The following JAKMIP3 variants were observed in gnomAD, a reference collection of about 807,000 sequenced individuals.
JAKMIP3 encodes the protein Janus kinase and microtubule interacting protein 3, also known as janus kinase and microtubule-interacting protein 3.
In JAKMIP3, 58 loss-of-function variants were observed where a neutral mutation model predicts 118.5. The observed-to-expected ratio is 0.49, with a 90% CI of 0.40 to 0.61. The LOEUF (loss-of-function observed/expected upper bound fraction) is 0.61, where lower values mean the gene tolerates loss of function less well. JAKMIP3 is among the 20% of genes least tolerant of loss of function. JAKMIP3 has a pLI of 0.00. For synonymous variants in JAKMIP3, 486 were observed against 451.2 expected (o/e 1.08, Z -0.98); for missense variants, 950 against 1,109.0 (o/e 0.86, Z 2.04).
At chr10:132,150,369 G>T (rs1047958242) in intron 16 of JAKMIP3, among the ~76,000 whole-genome samples, 2 of 152,290 alleles carry the variant, frequency 1.3e-5, no homozygotes, top group East Asian at 1.9e-4. Context: ...ACCCTTAGGG[G>T]TTCCACTTCC....
intron 9 of JAKMIP3, among the ~76,000 whole-genome samples, chr10:132,139,076 A>ATGTGTG (rs1292750829): frequency 8.4e-6 from 1 of 118,916 alleles, no homozygotes; most frequent in Non-Finnish European, 1.9e-5. Context: ...GTGTATGTGT[A>ATGTGTG]TGTGTGTGTG....
At chr10:132,072,707 T>C (rs1377725325) in intron 1 of JAKMIP3, among the ~76,000 whole-genome samples, 2 of 152,268 alleles carry the variant, frequency 1.3e-5, no homozygotes, top group African/African-American at 4.8e-5. Flanking sequence ...GTATTTTTTA[T>C]GATCCTATTT....
At position 132,043,809 on chromosome 10, in the gene JAKMIP3, C is replaced by T. The variant is rs942334109; in HGVS notation, c.-138+7071C>T. On this transcript the variant is annotated intron_variant, in intron 1 of 23. Transcript: ENST00000657785. ...TCTCTGCCCCGCCCTGGGCTTCAGG[C>T]GTCGGTGTTAATGATCTCCTGGGTT... Among the ~76,000 whole-genome samples, 7 of 152,128 alleles carry T rather than the reference C, an allele frequency of 4.6e-5. No individual in the cohort carries two copies. The East Asian group carries it at 5.8e-4, about 13-fold the overall frequency.
chr10:132,180,614 T>C (rs111296353), intron 23 of JAKMIP3, among the ~76,000 whole-genome samples: 434 of 30,974 alleles, frequency 0.014, 53 homozygotes, highest in East Asian at 0.027. Flanking sequence ...CGTGTGTGTG[T>C]GCGTGTGTGT....
At chr10:132,059,212 C>T (rs1248538731) in intron 1 of JAKMIP3, among the ~76,000 whole-genome samples, 1 of 152,262 alleles carries the variant, frequency 6.6e-6, no homozygotes, top group Non-Finnish European at 1.5e-5. Context: ...TTCCTTTGGA[C>T]AGCCTCTGGG....
intron 21 of JAKMIP3, 42 bp downstream of exon 21, chr10:132,164,777 G>C (rs552435502): frequency 2.1e-6 from 3 of 1,401,696 alleles, no homozygotes; most frequent in Admixed American, 3.4e-5. Flanking sequence ...TTAAGATCAA[G>C]GGAGAGGAAC....
intron 1 of JAKMIP3, among the ~76,000 whole-genome samples, chr10:132,080,156 C>T (rs1326519098): frequency 1.3e-5 from 2 of 152,210 alleles, no homozygotes; most frequent in Non-Finnish European, 2.9e-5. Context: ...CCAGCCTGGG[C>T]AACAGTGTGA....
At chr10:132,166,296 A>T (rs1263279479) in intron 21 of JAKMIP3, among the ~76,000 whole-genome samples, 1 of 152,190 alleles carries the variant, frequency 6.6e-6, no homozygotes. Context: ...ACTGCACTCC[A>T]GACTGGGTGA....
chr10:132,105,071 T>C, intron 2 of JAKMIP3, 128 bp downstream of exon 2: 1 of 1,115,534 alleles, frequency 9.0e-7, no homozygotes, highest in Non-Finnish European at 1.3e-6. Context: ...TAAAGGCTGC[T>C]TGGGACAGAC....
chr10:132,141,838 A>C, intron 10 of JAKMIP3, 82 bp from the exon 11 acceptor site: 2 of 1,475,642 alleles, frequency 1.4e-6, no homozygotes, highest in Non-Finnish European at 1.8e-6. Flanking sequence ...GGAGAAGGGA[A>C]GCCCCGGGGC....
intron 2 of JAKMIP3, among the ~76,000 whole-genome samples, chr10:132,105,852 T>C (rs75392617): frequency 0.02 from 3,031 of 152,064 alleles, 100 homozygotes; most frequent in African/African-American, 0.069. Flanking sequence ...TCTCCCTCCC[T>C]GTTTCTTGCC....
intron 16 of JAKMIP3, among the ~76,000 whole-genome samples, chr10:132,152,723 C>T (rs1056455619): frequency 6.6e-6 from 1 of 152,182 alleles, no homozygotes; most frequent in Non-Finnish European, 1.5e-5. Context: ...TGGTGATTAC[C>T]AGCAGAGGGA....
At chr10:132,119,615 G>C (rs75221861) in intron 3 of JAKMIP3, among the ~76,000 whole-genome samples, 1 of 152,136 alleles carries the variant, frequency 6.6e-6, no homozygotes, top group Non-Finnish European at 1.5e-5. Flanking sequence ...TTATAAAAAG[G>C]CTTCATTTCT....
At chr10:132,131,740 C>T (rs368328047) in intron 3 of JAKMIP3, among the ~76,000 whole-genome samples, 8 of 152,006 alleles carry the variant, frequency 5.3e-5, no homozygotes, top group African/African-American at 1.9e-4. Flanking sequence ...CAGCTTTGAA[C>T]GTCCCGTGTC....
rs548527724 is a variant in JAKMIP3 at position 132,091,974 on chromosome 10, C to CA, written c.-137-12694dup. Among the ~76,000 whole-genome samples the CA allele has an allele frequency of 2.1e-3, 318 of 152,244 alleles. 1 individual carries two copies. The highest frequency in any genetic ancestry group is 3.5e-3 in the South Asian group (17 of 4,816). On this transcript the variant is annotated intron_variant, in intron 1 of 23. Coordinates refer to ENST00000684848, the MANE Select transcript of JAKMIP3 (RefSeq NM_001323087.2). ...TCTTGTAGGGCAGGCCTGGTGGTGA[C>CA]AAAATCTCTCAGCATTTGCTTGTCT... is the stretch of plus-strand genomic sequence containing the variant.
intron 1 of JAKMIP3, among the ~76,000 whole-genome samples, chr10:132,099,470 A>C (rs1025015803): frequency 5.3e-5 from 8 of 152,170 alleles, no homozygotes; most frequent in African/African-American, 1.9e-4. Flanking sequence ...GACTTCCCTA[A>C]GGAAAGTATG....
intron 1 of JAKMIP3, among the ~76,000 whole-genome samples, chr10:132,070,972 AG>A (rs2039744733): frequency 6.6e-6 from 1 of 152,218 alleles, no homozygotes; most frequent in Non-Finnish European, 1.5e-5. Flanking sequence ...AGCATAAACT[AG>A]GATTAGATTA....
chr10:132,181,143 T>C (rs1045235649), intron 23 of JAKMIP3: 1 of 152,232 alleles, frequency 6.6e-6, no homozygotes, highest in African/African-American at 2.4e-5. Flanking sequence ...GTTCTGGAAA[T>C]AGGGCAGTGA....
chr10:132,078,619 C>CGGG (rs10568086), intron 1 of JAKMIP3, among the ~76,000 whole-genome samples: 10 of 133,996 alleles, frequency 7.5e-5, no homozygotes, highest in African/African-American at 2.1e-4. Context: ...TCTCTGGGGG[C>CGGG]GGGGGGGGGG....
Sources: allele counts gnomAD v4.1 joint callset (sites outside exome capture counted in the v4.1 genomes callset), GRCh38; gene constraint gnomAD v4.1.1; transcripts MANE v1.5; gene names NCBI Gene and HGNC (gene_info 2026-07-23, HGNC 2026-07-21).